The following CYTH1 variants were observed in gnomAD, a reference collection of about 807,000 sequenced individuals.
The protein encoded by CYTH1 is cytohesin-1.
Under a neutral mutation model 61.8 loss-of-function variants are expected in CYTH1, and 18 were observed. The ratio of observed to expected loss-of-function variants is 0.29; its 90% confidence interval spans 0.20 to 0.43. The LOEUF (loss-of-function observed/expected upper bound fraction) is 0.43, where lower values mean the gene tolerates loss of function less well. Ranked by LOEUF, CYTH1 falls within the 20% of genes least tolerant of loss-of-function variation. The pLI, the probability that CYTH1 is intolerant of heterozygous loss-of-function variation, is 1.00. For missense variants in CYTH1, 336 were observed against 510.5 expected, an observed-to-expected ratio of 0.66 and a Z score of 3.29; for synonymous variants, 174 against 184.3, an observed-to-expected ratio of 0.94 and a Z score of 0.45.
intron 1 of CYTH1, among the ~76,000 whole-genome samples, chr17:78,739,603 G>A (rs568400627): frequency 4.6e-5 from 7 of 152,310 alleles, no homozygotes; most frequent in South Asian, 2.1e-4. Context: ...AAGGACTCTG[G>A]TTTCCATTCT....
intron 9 of CYTH1, among the ~76,000 whole-genome samples, chr17:78,697,825 A>G (rs1291358590): frequency 6.6e-6 from 1 of 152,172 alleles, no homozygotes; most frequent in African/African-American, 2.4e-5. Flanking sequence ...CCCAGTGGTT[A>G]TGGGGACAGG....
At chr17:78,747,145 CAAAAAAAAAAAAA>C (rs56201341) in intron 1 of CYTH1, among the ~76,000 whole-genome samples, 5 of 57,838 alleles carry the variant, frequency 8.6e-5, no homozygotes, top group African/African-American at 2.9e-4. Flanking sequence ...ATGGCAGCGC[CAAAAAAAAAAAAA>C]AAAAAAAAAA....
At chr17:78,685,193 G>A (rs2092803830) in intron 11 of CYTH1, among the ~76,000 whole-genome samples, 1 of 113,306 alleles carries the variant, frequency 8.8e-6, no homozygotes. Context: ...GACAGAGCAA[G>A]ACTCTGTCTC....
intron 11 of CYTH1, among the ~76,000 whole-genome samples, chr17:78,688,271 T>C (rs557523239): frequency 3.9e-4 from 59 of 152,340 alleles, no homozygotes; most frequent in African/African-American, 1.4e-3. Flanking sequence ...AAGACTTGAA[T>C]AGCAGCCGTG....
In CYTH1 at chr17:78,675,089, G is replaced by A. The variant is rs1024728128; in HGVS notation, c.*1002C>T. The stretch of plus-strand genomic sequence containing the variant: ...GAAGTCCTACTCCTTCCTCTAGAAC[G>A]AGGACTGGAGTCTGGGGAAGAGGAA... On this transcript the variant is annotated 3_prime_UTR_variant, in exon 14 of 14. Transcript: ENST00000446868. The A allele has an allele frequency of 6.6e-6, 1 of 152,250 alleles. No individual in the cohort carries two copies. Among genetic ancestry groups the A allele is most frequent in the Non-Finnish European group, 1.5e-5 (1 of 68,064 alleles). 9.4% of individuals were successfully genotyped at this position (152,250 alleles called of 1,614,324 possible).
At chr17:78,696,042 A>G (rs2092934791) in intron 9 of CYTH1, 33 bp from the exon 10 acceptor site, 2 of 1,367,784 alleles carry the variant, frequency 1.5e-6, no homozygotes, top group African/African-American at 3.0e-5. Flanking sequence ...GGAGAGCCAA[A>G]ATCATGGAAA....
intron 11 of CYTH1, among the ~76,000 whole-genome samples, chr17:78,689,908 G>A (rs1408033493): frequency 6.6e-6 from 1 of 151,876 alleles, no homozygotes. Flanking sequence ...CAAATCCTGG[G>A]CCGTGAGGTA....
chr17:78,769,950 C>G (rs1010544785), intron 1 of CYTH1, among the ~76,000 whole-genome samples: 1 of 151,750 alleles, frequency 6.6e-6, no homozygotes, highest in African/African-American at 2.4e-5. Context: ...AGGAGATAGA[C>G]GCCATCCTGG....
chr17:78,685,118 G>T (rs971829133), intron 11 of CYTH1, among the ~76,000 whole-genome samples: 1 of 145,504 alleles, frequency 6.9e-6, no homozygotes, highest in African/African-American at 2.6e-5. Flanking sequence ...AGAATTTCTT[G>T]AATCCGGGAG....
chr17:78,761,747 A>C (rs932613039), intron 1 of CYTH1, among the ~76,000 whole-genome samples: 67 of 152,248 alleles, frequency 4.4e-4, no homozygotes, highest in Non-Finnish European at 9.0e-4. Flanking sequence ...CAAAAACAAA[A>C]AAAAAAGAGT....
rs527954009 is a variant in CYTH1 at position 78,698,142 on chromosome 17, C to T, written c.811+127G>A. On this transcript the variant is annotated intron_variant, in intron 9 of 13. Transcript: ENST00000446868. Reference sequence around the variant, plus strand: ...GAACATGCATGCGCGTGCACACACACGCACGCGCACACATGCACACGCACA... The same window carrying T: ...GAACATGCATGCGCGTGCACACACATGCACGCGCACACATGCACACGCACA... 6.9e-5 allele frequency: 54 copies of T among 782,472 alleles called. 1 individual carries two copies. The highest frequency in any genetic ancestry group is 5.3e-5 in the Non-Finnish European group (24 of 456,474). 48.5% of individuals were successfully genotyped at this position (782,472 alleles called of 1,614,324 possible). A position where few individuals can be genotyped will look rare whatever the true frequency, so the allele number is the denominator to read the frequency against.
At chr17:78,750,937 T>C (rs1309611150) in intron 1 of CYTH1, among the ~76,000 whole-genome samples, 1 of 152,062 alleles carries the variant, frequency 6.6e-6, no homozygotes, top group Non-Finnish European at 1.5e-5. Flanking sequence ...TACATAACCT[T>C]GTTTATATGG....
chr17:78,739,152 T>A (rs1171105176), intron 1 of CYTH1, among the ~76,000 whole-genome samples: 2 of 152,278 alleles, frequency 1.3e-5, no homozygotes, highest in South Asian at 4.1e-4. Flanking sequence ...ATTTTTTAAA[T>A]GATTTGTAGA....
At chr17:78,713,816 G>A (rs1001939854) in intron 1 of CYTH1, among the ~76,000 whole-genome samples, 1 of 150,254 alleles carries the variant, frequency 6.7e-6, no homozygotes, top group African/African-American at 2.5e-5. Flanking sequence ...AAGCCAACTT[G>A]TATCATTCTA....
At chr17:78,731,798 C>G (rs1172459826) in intron 1 of CYTH1, among the ~76,000 whole-genome samples, 1 of 150,620 alleles carries the variant, frequency 6.6e-6, no homozygotes, top group East Asian at 1.9e-4. Flanking sequence ...AAAAGGAAAT[C>G]TCAGCTAGGC....
rs55803104 is a variant in CYTH1 at position 78,718,218 on chromosome 17, TACACACACACACACAC to T, written c.23-8502_23-8487del. Among the ~76,000 whole-genome samples, 40 of 128,392 alleles carry T rather than the reference TACACACACACACACAC, an allele frequency of 3.1e-4. 1 individual carries two copies. The highest frequency in any genetic ancestry group is 7.1e-4 in the East Asian group (3 of 4,242). The allele number at this position is 128,392 out of a possible 152,430, so 84.2% of individuals were successfully genotyped here. A position where few individuals can be genotyped will look rare whatever the true frequency, so the allele number is the denominator to read the frequency against. On this transcript the variant is annotated intron_variant, in intron 1 of 13. Transcript: ENST00000446868. ...ACCTGGAAGTTTCATAAACACTGAA[TACACACACACACACAC>T]ACACACACACACACACACACACACA...
intron 1 of CYTH1, among the ~76,000 whole-genome samples, chr17:78,745,284 C>T (rs1269052590): frequency 2.6e-5 from 4 of 152,040 alleles, no homozygotes; most frequent in Non-Finnish European, 2.9e-5. Flanking sequence ...CCACAGCCCT[C>T]GGAGGCATCT....
chr17:78,710,654 T>C (rs2093119430), intron 1 of CYTH1, among the ~76,000 whole-genome samples: 1 of 152,252 alleles, frequency 6.6e-6, no homozygotes, highest in African/African-American at 2.4e-5. Context: ...TTGGGTCACA[T>C]TTCATCATCA....
Position 78,782,256 on chromosome 17 carries a change from C to T in CYTH1, c.-33G>A. The T allele has an allele frequency of 8.0e-7, 1 of 1,253,894 alleles. No homozygotes were observed. Among genetic ancestry groups the T allele is most frequent in the Non-Finnish European group, 1.0e-6 (1 of 985,690 alleles). The allele number at this position is 1,253,894 out of a possible 1,614,324, so 77.7% of individuals were successfully genotyped here. A position where few individuals can be genotyped will look rare whatever the true frequency, so the allele number is the denominator to read the frequency against. ...GAGCCGGGCTCCGCGCTCCGGCTCG[C>T]CGCTCGCGTCCCGCCGCGCCACCCG... On this transcript the variant is annotated 5_prime_UTR_variant, in exon 1 of 14. Transcript: ENST00000446868.
Sources: allele counts gnomAD v4.1 joint callset (sites outside exome capture counted in the v4.1 genomes callset), GRCh38; gene constraint gnomAD v4.1.1; transcripts MANE v1.5; gene names NCBI Gene and HGNC (gene_info 2026-07-23, HGNC 2026-07-21).